Variants in CFAP20DC observed in about 807,000 individuals in gnomAD.
CFAP20DC encodes protein CFAP20DC.
In CFAP20DC, 84 loss-of-function variants were observed where a neutral mutation model predicts 101.7. The ratio of observed to expected loss-of-function variants is 0.83; its 90% confidence interval spans 0.69 to 0.99. The LOEUF is 0.99. Among genes scored for constraint, CFAP20DC ranks in the 50% least tolerant of loss-of-function variants. CFAP20DC has a pLI of 0.00. For synonymous variants in CFAP20DC, 359 were observed against 351.2 expected (o/e 1.02, Z -0.25); for missense variants, 1,007 against 970.3 (o/e 1.04, Z -0.50).
chr3:58,806,501 T>C (rs576967579), intron 14 of CFAP20DC, 45 bp from the exon 15 acceptor site: 2 of 1,389,520 alleles, frequency 1.4e-6, no homozygotes, highest in South Asian at 1.2e-5. Context: ...AGCACAAAGC[T>C]GTTTACATAG....
chr3:58,992,585 G>C (rs187927880), intron 4 of CFAP20DC: 2 of 984,156 alleles, frequency 2.0e-6, no homozygotes, highest in East Asian at 2.3e-4. Context: ...CATATCTCTT[G>C]GGAAAAGAAT....
rs573830431 is a variant in CFAP20DC at position 58,808,340 on chromosome 3, A to C, written c.2176-1884T>G. 2.0e-5 allele frequency among the ~76,000 whole-genome samples: 3 copies of C among 152,364 alleles called. No individual in the cohort carries two copies. The East Asian group carries it at 5.8e-4, about 29-fold the overall frequency. On this transcript the variant is annotated intron_variant, in intron 14 of 16. Coordinates refer to ENST00000482387, the MANE Select transcript of CFAP20DC (RefSeq NM_001394063.1). ...AAAGGTCGGGGTACCCACAAAGGGAAGCCCATCAGACTAACAGCTGATCTC... is the reference window on the plus strand; with the variant it reads ...AAAGGTCGGGGTACCCACAAAGGGACGCCCATCAGACTAACAGCTGATCTC...
rs1398328658 is a variant in CFAP20DC at position 59,049,610 on chromosome 3, C to G, written c.21+1G>C. 2 of 1,536,110 alleles carry G rather than the reference C, an allele frequency of 1.3e-6. No individual in the cohort carries two copies. The highest frequency in any genetic ancestry group is 1.2e-5 in the South Asian group (1 of 84,054). On this transcript the variant is annotated splice_donor_variant, in intron 1 of 16. Transcript: ENST00000482387. LOFTEE classifies it high-confidence loss of function. ...CAGGTTGGAGAACCGTTTCGGGTTA[C>G]CTGGTACTCATTTTTGAACATTCCC...
rs942736815 is a variant in CFAP20DC, at chr3:58,799,958, G to C, written c.2237+6437C>G. 1.3e-5 allele frequency among the ~76,000 whole-genome samples: 2 copies of C among 152,184 alleles called. No individual in the cohort carries two copies. The highest frequency in any genetic ancestry group is 2.9e-5 in the Non-Finnish European group (2 of 68,032). ...GCAGCTGGGAAGCAACCTTGGTTAAGAGAACTCCATCCAGGCAGCACTCCT... is the reference window on the plus strand; with the variant it reads ...GCAGCTGGGAAGCAACCTTGGTTAACAGAACTCCATCCAGGCAGCACTCCT... On this transcript the variant is annotated intron_variant, in intron 15 of 16. Coordinates refer to ENST00000482387, the MANE Select transcript of CFAP20DC (RefSeq NM_001394063.1). The surrounding 1 kb of genome is among the most constrained non-coding windows in gnomAD (Gnocchi z 4.9).
intron 4 of CFAP20DC, among the ~76,000 whole-genome samples, chr3:58,993,211 C>T (rs953576381): frequency 1.3e-5 from 2 of 152,120 alleles, no homozygotes; most frequent in African/African-American, 4.8e-5. Context: ...TAATAGAATG[C>T]TTCCTAAAAT....
rs944714025 is a variant in CFAP20DC, at chr3:58,894,402, A to T, written c.551-9693T>A. The stretch of plus-strand genomic sequence containing the variant: ...ATTCCAAATGAGAGAAATTGGCAAA[A>T]ACAAAGAAGCTACAGGCCCCATGCA... On this transcript the variant is annotated intron_variant, in intron 6 of 16. Transcript: ENST00000482387. The surrounding 1 kb of genome is among the most constrained non-coding windows in gnomAD (Gnocchi z 4.1). 5.3e-5 allele frequency among the ~76,000 whole-genome samples: 8 copies of T among 152,180 alleles called. No individual in the cohort carries two copies. Among genetic ancestry groups the T allele is most frequent in the Non-Finnish European group, 7.3e-5 (5 of 68,032 alleles).
chr3:58,863,292 CAA>C lies in CFAP20DC; in HGVS notation c.1593+264_1593+265del. On this transcript the variant is annotated intron_variant, in intron 12 of 16. Transcript: ENST00000482387. This position sits in a 1 kb window ranked among gnomAD's most constrained non-coding sequence, Gnocchi z 5.9. Reference sequence around the variant, plus strand: ...GCATATCGTTTCTCATCCTGTGATTCAAAGATTAAAATGAAAAAACAGAAAGA... The same window carrying C: ...GCATATCGTTTCTCATCCTGTGATTCAGATTAAAATGAAAAAACAGAAAGA... 7.1e-7 allele frequency: 1 copy of C among 1,407,022 alleles called. No homozygotes were observed. Among genetic ancestry groups the C allele is most frequent in the Non-Finnish European group, 9.2e-7 (1 of 1,090,068 alleles). The allele number at this position is 1,407,022 out of a possible 1,614,324, so 87.2% of individuals were successfully genotyped here.
intron 15 of CFAP20DC, among the ~76,000 whole-genome samples, chr3:58,759,870 C>T (rs540861580): frequency 2.4e-4 from 36 of 152,264 alleles, no homozygotes; most frequent in African/African-American, 8.2e-4. Context: ...TTTCTGAGGG[C>T]TCTGTTCTGT....
chr3:58,802,303 T>C (rs1375717215), intron 15 of CFAP20DC, among the ~76,000 whole-genome samples: 1 of 152,258 alleles, frequency 6.6e-6, no homozygotes, highest in Non-Finnish European at 1.5e-5. Context: ...TTTGCTCTGC[T>C]TGGCAGCATG....
chr3:58,877,465 G>A (rs2108591769), intron 7 of CFAP20DC, among the ~76,000 whole-genome samples: 1 of 152,292 alleles, frequency 6.6e-6, no homozygotes, highest in Non-Finnish European at 1.5e-5. Context: ...AGACTTAAAG[G>A]ATGATGGATA....
intron 7 of CFAP20DC, among the ~76,000 whole-genome samples, chr3:58,878,277 C>G (rs994321175): frequency 1.3e-5 from 2 of 152,062 alleles, no homozygotes; most frequent in Admixed American, 6.6e-5. Context: ...GTTTAAGACA[C>G]TTTTTGAAAG....
intron 14 of CFAP20DC, among the ~76,000 whole-genome samples, chr3:58,816,282 G>A (rs1046985885): frequency 1.3e-5 from 2 of 152,112 alleles, no homozygotes; most frequent in African/African-American, 2.4e-5. Context: ...ACACCGCGGG[G>A]AGGAGCCAAG....
chr3:58,890,033 T>C (rs2082021257), intron 6 of CFAP20DC, among the ~76,000 whole-genome samples: 1 of 149,122 alleles, frequency 6.7e-6, no homozygotes, highest in Non-Finnish European at 1.5e-5. Flanking sequence ...AAAGCCGCCA[T>C]TGTCATCCTG....
intron 15 of CFAP20DC, among the ~76,000 whole-genome samples, chr3:58,759,046 T>C (rs947859299): frequency 6.6e-6 from 1 of 152,242 alleles, no homozygotes; most frequent in South Asian, 2.1e-4. Context: ...CCTTTGGGTA[T>C]ATACCCAGTA....
chr3:59,046,229 G>C lies in CFAP20DC; in HGVS notation c.205C>G (p.Leu69Val). The part of the protein sequence containing the change: ...IQLPKENKQS[L>V]GLIQRFLVLQ... ...TTTCAATATTAAAAATATTACTTAC[G>C]GCTTTGCTTATTCTCCTTTGGTAAC... The change falls in exon 3 of 17, where the codon CTT becomes GTT. Residue 69 changes from leucine to valine, a missense_variant and splice_region_variant. Leu to Val is a conservative substitution (Grantham distance 32, BLOSUM62 1). Coordinates refer to ENST00000482387, the MANE Select transcript of CFAP20DC (RefSeq NM_001394063.1). 1 of 1,523,024 alleles carries C rather than the reference G, an allele frequency of 6.6e-7. No individual in the cohort carries two copies. The highest frequency in any genetic ancestry group is 8.8e-7 in the Non-Finnish European group (1 of 1,137,914). 94.3% of individuals were successfully genotyped at this position (1,523,024 alleles called of 1,614,324 possible).
intron 15 of CFAP20DC, among the ~76,000 whole-genome samples, chr3:58,773,955 G>C (rs2071087026): frequency 6.6e-6 from 1 of 151,956 alleles, no homozygotes; most frequent in Non-Finnish European, 1.5e-5. Context: ...ACATGAGTTT[G>C]TGAAAAGTTT....
chr3:58,786,972 ACTAT>A (rs1394689945), intron 15 of CFAP20DC, among the ~76,000 whole-genome samples: 1 of 151,878 alleles, frequency 6.6e-6, no homozygotes, highest in African/African-American at 2.4e-5. Context: ...AGGGTTTGGC[ACTAT>A]CTGTCGTTTT....
At chr3:58,806,281 C>A in intron 15 of CFAP20DC, 114 bp downstream of exon 15, 2 of 717,174 alleles carry the variant, frequency 2.8e-6, no homozygotes, top group Non-Finnish European at 4.9e-6. Flanking sequence ...TTTGAAAGAA[C>A]ATAAGTTTGG....
Position 58,874,568 on chromosome 3 carries a change from C to A in CFAP20DC, c.716-4259G>T, listed in dbSNP as rs1026995340. On this transcript the variant is annotated intron_variant, in intron 7 of 16. Transcript: ENST00000482387. The surrounding 1 kb of genome is among the most constrained non-coding windows in gnomAD (Gnocchi z 5.1). ...GTTTTCTGCCCTCTCGGTAGACGGG[C>A]CTTCTCAGTTCTTCCTGCCTACTAG... Among the ~76,000 whole-genome samples the A allele has an allele frequency of 1.3e-5, 2 of 152,112 alleles. No homozygotes were observed. Among genetic ancestry groups the A allele is most frequent in the African/African-American group, 4.8e-5 (2 of 41,418 alleles).
Sources: allele counts gnomAD v4.1 joint callset (sites outside exome capture counted in the v4.1 genomes callset), GRCh38; gene constraint gnomAD v4.1.1; non-coding constraint Gnocchi (gnomAD v3.1); transcripts MANE v1.5; gene names NCBI Gene and HGNC (gene_info 2026-07-23, HGNC 2026-07-21).